The following ANKRD29 variants were observed in gnomAD, a reference collection of about 807,000 sequenced individuals.
ANKRD29 encodes the protein ankyrin repeat domain-containing protein 29.
In ANKRD29, 32 loss-of-function variants were observed where a neutral mutation model predicts 38.0. That is an observed-to-expected ratio of 0.84 (90% CI 0.64 to 1.13). The LOEUF (loss-of-function observed/expected upper bound fraction) is 1.13, where lower values mean the gene tolerates loss of function less well. Among genes scored for constraint, ANKRD29 ranks in the 50% most tolerant of loss-of-function variants. The pLI, the probability that ANKRD29 is intolerant of heterozygous loss-of-function variation, is 0.00. For synonymous variants in ANKRD29, 135 were observed against 152.4 expected, an observed-to-expected ratio of 0.89 and a Z score of 0.84; for missense variants, 357 against 377.9, an observed-to-expected ratio of 0.94 and a Z score of 0.46.
At chr18:23,650,239 A>G (rs2060193322) in intron 1 of ANKRD29, among the ~76,000 whole-genome samples, 1 of 151,220 alleles carries the variant, frequency 6.6e-6, no homozygotes, top group African/African-American at 2.4e-5. Context: ...TCGACCTCTC[A>G]GGCTCAAGCC....
At chr18:23,628,589 A>T (rs762302509) in intron 6 of ANKRD29, among the ~76,000 whole-genome samples, 3 of 152,156 alleles carry the variant, frequency 2.0e-5, no homozygotes, top group Non-Finnish European at 2.9e-5. Context: ...TAACCCCAGC[A>T]CTTTGGGAGC....
rs1186966039 is a variant in ANKRD29, at chr18:23,617,826, T to C, written c.629A>G (p.Asp210Gly). The change falls in exon 8 of 10, where the codon GAT (aspartate) becomes GGT (glycine). Residue 210 changes from aspartate to glycine, a missense_variant and splice_region_variant. Asp to Gly is a moderately conservative substitution (Grantham distance 94, BLOSUM62 -1). Coordinates refer to ENST00000592179, the MANE Select transcript of ANKRD29 (RefSeq NM_173505.4). ...RGADRDAARN[D>G]GTTALLKAAN... ...TGCTTTCAATAATGCTGTTGTGCCATCCTTAACAGAAAGAGGAAAATAAAA... is the reference window on the plus strand; with the variant it reads ...TGCTTTCAATAATGCTGTTGTGCCACCCTTAACAGAAAGAGGAAAATAAAA... 6.2e-7 allele frequency: 1 copy of C among 1,613,242 alleles called. No individual in the cohort carries two copies. Among genetic ancestry groups the C allele is most frequent in the African/African-American group, 1.3e-5 (1 of 74,918 alleles).
At chr18:23,659,205 C>T (rs113807430) in intron 1 of ANKRD29, among the ~76,000 whole-genome samples, 2,298 of 151,912 alleles carry the variant, frequency 0.015, 50 homozygotes, top group African/African-American at 0.054. Context: ...TGGTCTTAAA[C>T]TCCCGACTTC....
At chr18:23,640,822 G>T (rs1225385495) in intron 3 of ANKRD29, among the ~76,000 whole-genome samples, 1 of 152,196 alleles carries the variant, frequency 6.6e-6, no homozygotes, top group Non-Finnish European at 1.5e-5. Flanking sequence ...CAGACACAGT[G>T]AAAAGAAATC....
At chr18:23,642,599 C>CAGAATGAG (rs1422664348) in intron 3 of ANKRD29, among the ~76,000 whole-genome samples, 1 of 152,178 alleles carries the variant, frequency 6.6e-6, no homozygotes. Context: ...GCCAAGTGGG[C>CAGAATGAG]AGAATGAGCC....
At chr18:23,632,529 G>A (rs917091625) in intron 5 of ANKRD29, among the ~76,000 whole-genome samples, 26 of 68,144 alleles carry the variant, frequency 3.8e-4, no homozygotes, top group African/African-American at 1.2e-3. Flanking sequence ...GTGTGTGTGT[G>A]TGTGTATATA....
chr18:23,617,905 A>C, intron 7 of ANKRD29, 78 bp from the exon 8 acceptor site: 1 of 1,165,292 alleles, frequency 8.6e-7, no homozygotes. Context: ...TGGGAACTGG[A>C]AAGTACCGTT....
intron 9 of ANKRD29, among the ~76,000 whole-genome samples, chr18:23,605,197 AG>A (rs1427337174): frequency 6.6e-6 from 1 of 152,202 alleles, no homozygotes; most frequent in Non-Finnish European, 1.5e-5. Context: ...CTGGGATTAC[AG>A]GTGTTAGCCA....
chr18:23,615,967 A>G (rs1327177678), intron 8 of ANKRD29, among the ~76,000 whole-genome samples: 1 of 147,648 alleles, frequency 6.8e-6, no homozygotes, highest in Non-Finnish European at 1.5e-5. Context: ...ATATGTATGT[A>G]TATATACTAT....
At chr18:23,635,328 T>C (rs1329647331) in intron 4 of ANKRD29, among the ~76,000 whole-genome samples, 3 of 151,056 alleles carry the variant, frequency 2.0e-5, no homozygotes, top group African/African-American at 7.3e-5. Flanking sequence ...CAGGGCACTG[T>C]AAAGCACACA....
intron 6 of ANKRD29, among the ~76,000 whole-genome samples, chr18:23,622,971 T>G (rs1227959971): frequency 2.0e-5 from 3 of 152,228 alleles, no homozygotes; most frequent in Admixed American, 6.5e-5. Flanking sequence ...CAGTTCTTCC[T>G]GGCTGTAAGA....
At chr18:23,611,039 C>T (rs1319805203) in intron 9 of ANKRD29, among the ~76,000 whole-genome samples, 1 of 152,202 alleles carries the variant, frequency 6.6e-6, no homozygotes, top group Non-Finnish European at 1.5e-5. Flanking sequence ...TATACATGTG[C>T]CAGCTTAAGC....
chr18:23,618,783 G>C (rs1170379465), intron 7 of ANKRD29: 3 of 132,474 alleles, frequency 2.3e-5, no homozygotes, highest in Non-Finnish European at 4.7e-5. Flanking sequence ...TGCCATTAGG[G>C]TTTATCTGTA....
At chr18:23,648,317 G>A (rs1031099385) in intron 2 of ANKRD29, 2 of 152,272 alleles carry the variant, frequency 1.3e-5, no homozygotes, top group African/African-American at 2.4e-5. Context: ...GCCAACTGGG[G>A]CAAACTGCTA....
At chr18:23,655,895 C>A (rs2060274144) in intron 1 of ANKRD29, among the ~76,000 whole-genome samples, 1 of 149,498 alleles carries the variant, frequency 6.7e-6, no homozygotes. Flanking sequence ...AGATCGAGAC[C>A]ATCCCGGCTA....
At chr18:23,618,660 T>C (rs1640917131) in intron 7 of ANKRD29, 1 of 152,200 alleles carries the variant, frequency 6.6e-6, no homozygotes, top group Non-Finnish European at 1.5e-5. Context: ...TCGTTATTTT[T>C]TGGCTCAAGA....
intron 6 of ANKRD29, among the ~76,000 whole-genome samples, chr18:23,629,410 C>T (rs981561874): frequency 5.9e-5 from 9 of 152,358 alleles, no homozygotes; most frequent in African/African-American, 1.4e-4. Context: ...ATGATTCCAA[C>T]GGCATGGGCT....
intron 3 of ANKRD29, among the ~76,000 whole-genome samples, chr18:23,641,690 G>T (rs1025141777): frequency 6.6e-6 from 1 of 152,164 alleles, no homozygotes; most frequent in Non-Finnish European, 1.5e-5. Flanking sequence ...GCTTCCCATG[G>T]ACCAATCAGC....
At chr18:23,645,514 G>T (rs1373789075) in intron 3 of ANKRD29, among the ~76,000 whole-genome samples, 1 of 152,146 alleles carries the variant, frequency 6.6e-6, no homozygotes, top group Non-Finnish European at 1.5e-5. Context: ...GGTGGAGGTT[G>T]CATGAGCCGA....
Sources: gnomAD v4.1 joint callset for allele counts (sites outside exome capture counted in the v4.1 genomes callset) on GRCh38, gnomAD v4.1.1 for gene constraint, MANE v1.5 for transcripts, NCBI Gene and HGNC (gene_info 2026-07-23, HGNC 2026-07-21) for gene names.